Variants in ALCAM observed in about 807,000 individuals in gnomAD.
ALCAM encodes the protein CD166 antigen.
ALCAM carries 30 observed loss-of-function variants against 70.9 expected under a neutral mutation model. The ratio of observed to expected loss-of-function variants is 0.42; its 90% CI spans 0.32 to 0.57. ALCAM has a LOEUF of 0.57. ALCAM is among the 20% of genes least tolerant of loss of function. ALCAM has a pLI of 0.11. For missense variants in ALCAM, 591 were observed against 695.1 expected, an observed-to-expected ratio of 0.85 and a Z score of 1.68; for synonymous variants, 249 against 242.5, an observed-to-expected ratio of 1.03 and a Z score of -0.25.
At chr3:105,411,583 C>T (rs148863905) in intron 1 of ALCAM, among the ~76,000 whole-genome samples, 66 of 152,178 alleles carry the variant, frequency 4.3e-4, no homozygotes, top group Middle Eastern at 3.4e-3. Flanking sequence ...ATTTTCATAA[C>T]GCTCTTTGTA....
At chr3:105,414,465 GAGAT>G (rs991061952) in intron 1 of ALCAM, among the ~76,000 whole-genome samples, 8 of 151,964 alleles carry the variant, frequency 5.3e-5, no homozygotes, top group African/African-American at 1.9e-4. Flanking sequence ...AGGAAACTGT[GAGAT>G]AGAATAGGAA....
chr3:105,378,825 G>C (rs1278630203), intron 1 of ALCAM, among the ~76,000 whole-genome samples: 1 of 151,916 alleles, frequency 6.6e-6, no homozygotes, highest in Non-Finnish European at 1.5e-5. Flanking sequence ...GGGTTTCAGG[G>C]TATGGTTTGG....
At chr3:105,551,404 C>G (rs1940403302) in intron 12 of ALCAM, among the ~76,000 whole-genome samples, 1 of 151,512 alleles carries the variant, frequency 6.6e-6, no homozygotes, top group Non-Finnish European at 1.5e-5. Flanking sequence ...TTAATATAGT[C>G]GTTTTCAAAT....
intron 1 of ALCAM, among the ~76,000 whole-genome samples, chr3:105,393,896 TC>T (rs76667159): frequency 0.16 from 24,550 of 151,900 alleles, 2,252 homozygotes; most frequent in East Asian, 0.37. Context: ...ATGTAAGTTT[TC>T]CACATGATTT....
chr3:105,535,904 C>T (rs963047474), intron 6 of ALCAM, among the ~76,000 whole-genome samples: 4 of 151,910 alleles, frequency 2.6e-5, no homozygotes, highest in African/African-American at 9.7e-5. Flanking sequence ...TTTTGGTTCC[C>T]TAGGGCACAA....
chr3:105,434,598 C>A (rs1370349663), intron 1 of ALCAM, among the ~76,000 whole-genome samples: 1 of 151,946 alleles, frequency 6.6e-6, no homozygotes, highest in African/African-American at 2.4e-5. Flanking sequence ...TCCTCTTGGG[C>A]AATTACTAAA....
At chr3:105,437,049 A>C (rs1418353798) in intron 1 of ALCAM, among the ~76,000 whole-genome samples, 1 of 152,240 alleles carries the variant, frequency 6.6e-6, no homozygotes, top group Non-Finnish European at 1.5e-5. Flanking sequence ...CAGACAAAAA[A>C]TTCTTGTGTC....
At chr3:105,438,985 T>C (rs965886723) in intron 1 of ALCAM, among the ~76,000 whole-genome samples, 1 of 152,114 alleles carries the variant, frequency 6.6e-6, no homozygotes, top group African/African-American at 2.4e-5. Flanking sequence ...CAGACGAAGG[T>C]ATATGAAATC....
intron 1 of ALCAM, 30 bp from the exon 2 acceptor site, chr3:105,520,033 TTCTC>T (rs1422642484): frequency 2.1e-6 from 3 of 1,420,536 alleles, no homozygotes; most frequent in Non-Finnish European, 2.9e-6. Flanking sequence ...CTCTCTCTCT[TTCTC>T]TCTTCTTCCT....
At chr3:105,439,609 C>A (rs189467882) in intron 1 of ALCAM, 1 of 152,082 alleles carries the variant, frequency 6.6e-6, no homozygotes, top group African/African-American at 2.4e-5. Context: ...TGTGAATAAT[C>A]GGGGCTCAAT....
At chr3:105,413,514 A>G (rs950441895) in intron 1 of ALCAM, among the ~76,000 whole-genome samples, 5 of 152,140 alleles carry the variant, frequency 3.3e-5, no homozygotes, top group African/African-American at 1.2e-4. Flanking sequence ...CTAGTCAAAC[A>G]TACTTGATAT....
chr3:105,535,217 A>T (rs1031992722), intron 6 of ALCAM, among the ~76,000 whole-genome samples: 1 of 152,158 alleles, frequency 6.6e-6, no homozygotes, highest in Non-Finnish European at 1.5e-5. Context: ...TTTAATAATA[A>T]GATCAATTGC....
At chr3:105,553,091 T>A (rs9283551) in intron 14 of ALCAM, 560,243 of 983,430 alleles carry the variant, frequency 0.57, 162,515 homozygotes, top group East Asian at 0.72. Flanking sequence ...TCAGAGAAAA[T>A]CATGTCATTA....
chr3:105,560,077 C>T (rs1940600266), intron 14 of ALCAM, among the ~76,000 whole-genome samples: 1 of 152,000 alleles, frequency 6.6e-6, no homozygotes, highest in African/African-American at 2.4e-5. Flanking sequence ...GGGTAAAAAC[C>T]TAGGAGTGGA....
At chr3:105,558,134 C>T (rs574614380) in intron 14 of ALCAM, among the ~76,000 whole-genome samples, 3 of 152,064 alleles carry the variant, frequency 2.0e-5, no homozygotes, top group South Asian at 2.1e-4. Context: ...TATCAATGGC[C>T]GGTTTGCTGG....
chr3:105,494,317 T>G (rs1398337249), intron 1 of ALCAM, among the ~76,000 whole-genome samples: 2 of 152,176 alleles, frequency 1.3e-5, no homozygotes, highest in African/African-American at 4.8e-5. Context: ...TAATCAGAGG[T>G]ATTTCCTGGT....
intron 2 of ALCAM, 85 bp from the exon 3 acceptor site, chr3:105,524,204 A>C: frequency 2.5e-4 from 258 of 1,020,044 alleles, no homozygotes; most frequent in Non-Finnish European, 3.4e-4. Context: ...TTGGTAGAAT[A>C]TGGCCAAGGA....
intron 1 of ALCAM, among the ~76,000 whole-genome samples, chr3:105,408,727 G>T (rs1936311608): frequency 6.6e-6 from 1 of 152,086 alleles, no homozygotes; most frequent in Admixed American, 6.6e-5. Flanking sequence ...AAAAGCTTTT[G>T]CACAGCAAAA....
intron 1 of ALCAM, among the ~76,000 whole-genome samples, chr3:105,476,068 C>T (rs1177301522): frequency 6.6e-6 from 1 of 151,958 alleles, no homozygotes; most frequent in African/African-American, 2.4e-5. Flanking sequence ...CAACAATGGC[C>T]TGTATTTCTA....
Sources: gnomAD v4.1 joint callset for allele counts (sites outside exome capture counted in the v4.1 genomes callset) on GRCh38, gnomAD v4.1.1 for gene constraint, MANE v1.5 for transcripts, NCBI Gene and HGNC (gene_info 2026-07-23, HGNC 2026-07-21) for gene names.